Variants in SH3RF2 observed in about 807,000 individuals in gnomAD.
The protein encoded by SH3RF2 is SH3 domain containing ring finger 2.
In SH3RF2, 43 loss-of-function variants were observed where a neutral mutation model predicts 59.0. That is an observed-to-expected ratio of 0.73 (90% CI 0.57 to 0.94). SH3RF2 has a LOEUF of 0.94. SH3RF2 is among the 40% of genes least tolerant of loss of function. The pLI is 0.00. For missense variants in SH3RF2, 930 were observed against 940.1 expected, an observed-to-expected ratio of 0.99 and a Z score of 0.14; for synonymous variants, 391 against 391.5, an observed-to-expected ratio of 1.00 and a Z score of 0.01.
At chr5:146,041,970 T>C (rs1762141809) in intron 5 of SH3RF2, among the ~76,000 whole-genome samples, 1 of 152,116 alleles carries the variant, frequency 6.6e-6, no homozygotes, top group Non-Finnish European at 1.5e-5. Context: ...GTAGCCCTTC[T>C]CTCAACTCTG....
At chr5:145,963,688 C>G (rs116790428) in intron 2 of SH3RF2, among the ~76,000 whole-genome samples, 1,544 of 152,300 alleles carry the variant, frequency 0.01, 30 homozygotes, top group African/African-American at 0.035. Flanking sequence ...TCATTTATAA[C>G]TGGTTTCCAA....
At chr5:146,058,863 T>A (rs1580936971) in intron 8 of SH3RF2, among the ~76,000 whole-genome samples, 2 of 135,326 alleles carry the variant, frequency 1.5e-5, no homozygotes, top group Non-Finnish European at 1.6e-5. Flanking sequence ...GACAGGACCA[T>A]CTCAATTTAA....
intron 2 of SH3RF2, among the ~76,000 whole-genome samples, chr5:145,976,250 G>A (rs1759289359): frequency 6.6e-6 from 1 of 152,134 alleles, no homozygotes; most frequent in Non-Finnish European, 1.5e-5. Context: ...GTGACCTTAG[G>A]CAGGTTAGTT....
chr5:145,938,204 C>T lies in SH3RF2; in HGVS notation c.276C>T (p.Gly92=), dbSNP rs149194280. 1 of 1,613,562 alleles carries T rather than the reference C, an allele frequency of 6.2e-7. No homozygotes were observed. Among genetic ancestry groups the T allele is most frequent in the South Asian group, 1.1e-5 (1 of 91,076 alleles). Residue 92 remains glycine (G), a synonymous_variant, in exon 2 of 10, where the codon GGC becomes GGT. Coordinates refer to ENST00000359120, the MANE Select transcript of SH3RF2 (RefSeq NM_152550.4). The stretch of plus-strand genomic sequence containing the variant: ...GAGGGGGCTCCTTCCGCAGGCCTGG[C>T]ACGATGACCTTGCAGGATGGCAGGA... ...SGRGGSFRRP[G]TMTLQDGRKS...
intron 2 of SH3RF2, among the ~76,000 whole-genome samples, chr5:145,949,709 T>C (rs898699966): frequency 6.6e-6 from 1 of 152,190 alleles, no homozygotes; most frequent in Non-Finnish European, 1.5e-5. Flanking sequence ...CAGTGTTCTT[T>C]TCCTATTGAG....
At chr5:146,034,591 T>C (rs75739139) in intron 5 of SH3RF2, among the ~76,000 whole-genome samples, 3 of 152,190 alleles carry the variant, frequency 2.0e-5, no homozygotes, top group Admixed American at 1.3e-4. Context: ...GGCCACATTC[T>C]AATAATCCTA....
chr5:145,938,186 C>A lies in SH3RF2; in HGVS notation c.258C>A (p.Gly86=). The change falls in exon 2 of 10, where the codon GGC becomes GGA. Residue 86 remains glycine, a synonymous_variant. Transcript: ENST00000359120. Reference sequence around the variant, plus strand: ...CAGGGCAGAGCTCCGGGAGAGGGGGCTCCTTCCGCAGGCCTGGCACGATGA... The same window carrying A: ...CAGGGCAGAGCTCCGGGAGAGGGGGATCCTTCCGCAGGCCTGGCACGATGA... ...VRSGQSSGRG[G]SFRRPGTMTL... 6.2e-7 allele frequency: 1 copy of A among 1,613,994 alleles called. No individual in the cohort carries two copies. The highest frequency in any genetic ancestry group is 1.1e-5 in the South Asian group (1 of 91,078).
intron 2 of SH3RF2, 50 bp downstream of exon 2, chr5:145,938,356 T>G: frequency 6.7e-7 from 1 of 1,494,450 alleles, no homozygotes; most frequent in Non-Finnish European, 8.9e-7. Context: ...AGGTTGGATT[T>G]GTGTATACAA....
At position 145,938,135 on chromosome 5, in the gene SH3RF2, C is replaced by T. The variant is rs774262685; in HGVS notation, c.207C>T (p.Leu69=). Residue 69 remains leucine (L), a synonymous_variant, in exon 2 of 10, where the codon CTC becomes CTT. Coordinates refer to ENST00000359120, the MANE Select transcript of SH3RF2 (RefSeq NM_152550.4). ...AGGCGCTGCCGGCCAACCTGCTGCT[C>T]GTGCGCCTTCTGGATGGAGTGCGCT... The part of the protein sequence containing the change: ...NIEALPANLL[L]VRLLDGVRSG... 2 of 1,614,220 alleles carry T rather than the reference C, an allele frequency of 1.2e-6. No individual in the cohort carries two copies. Among genetic ancestry groups the T allele is most frequent in the Admixed American group, 1.7e-5 (1 of 60,028 alleles).
chr5:146,046,394 C>A (rs536394966), intron 5 of SH3RF2, among the ~76,000 whole-genome samples: 2 of 150,144 alleles, frequency 1.3e-5, no homozygotes, highest in Non-Finnish European at 3.0e-5. Flanking sequence ...CACAAATACA[C>A]AAACAATAGT....
chr5:146,017,578 C>T (rs1580866583), intron 5 of SH3RF2, among the ~76,000 whole-genome samples: 1 of 152,124 alleles, frequency 6.6e-6, no homozygotes, highest in African/African-American at 2.4e-5. Context: ...CATCCCTACT[C>T]CTTAAGCCTC....
intron 8 of SH3RF2, among the ~76,000 whole-genome samples, chr5:146,057,958 C>A (rs1403878045): frequency 1.9e-4 from 27 of 140,478 alleles, no homozygotes; most frequent in African/African-American, 4.6e-4. Context: ...CTCTCTCTCT[C>A]TCTCTCTCTC....
At chr5:145,977,774 T>G (rs553772908) in intron 2 of SH3RF2, among the ~76,000 whole-genome samples, 1 of 152,356 alleles carries the variant, frequency 6.6e-6, no homozygotes, top group Admixed American at 6.5e-5. Flanking sequence ...TAGGCTCTAA[T>G]GCTACATACA....
chr5:145,963,784 G>C (rs1758731826), intron 2 of SH3RF2, among the ~76,000 whole-genome samples: 1 of 151,236 alleles, frequency 6.6e-6, no homozygotes, highest in East Asian at 1.9e-4. Flanking sequence ...TTGATTTCTT[G>C]GAGTTTCCCT....
At chr5:146,006,287 G>C (rs1760641305) in intron 4 of SH3RF2, among the ~76,000 whole-genome samples, 2 of 152,134 alleles carry the variant, frequency 1.3e-5, no homozygotes, top group Non-Finnish European at 1.5e-5. Context: ...AGCCAGGCAT[G>C]GTGGCCCACA....
intron 4 of SH3RF2, among the ~76,000 whole-genome samples, chr5:146,010,730 GT>G (rs1217716172): frequency 6.6e-6 from 1 of 152,018 alleles, no homozygotes; most frequent in Non-Finnish European, 1.5e-5. Context: ...GGGGTTGTTT[GT>G]TTTTTTCTTG....
chr5:145,951,358 T>C (rs774104167), intron 2 of SH3RF2, among the ~76,000 whole-genome samples: 3 of 152,182 alleles, frequency 2.0e-5, no homozygotes, highest in Non-Finnish European at 4.4e-5. Context: ...ATAGCACATA[T>C]CTTTTTTGTT....
At chr5:146,039,050 A>C (rs1762038768) in intron 5 of SH3RF2, among the ~76,000 whole-genome samples, 1 of 152,256 alleles carries the variant, frequency 6.6e-6, no homozygotes, top group African/African-American at 2.4e-5. Context: ...CAGACTTTGC[A>C]GATCAGAAGG....
At chr5:145,957,487 G>A (rs371443031) in intron 2 of SH3RF2, among the ~76,000 whole-genome samples, 10 of 152,168 alleles carry the variant, frequency 6.6e-5, no homozygotes, top group South Asian at 2.1e-4. Context: ...TTTACCTATC[G>A]CTAACCTTAT....
Sources: allele counts gnomAD v4.1 joint callset (sites outside exome capture counted in the v4.1 genomes callset), GRCh38; gene constraint gnomAD v4.1.1; transcripts MANE v1.5; gene names NCBI Gene and HGNC (gene_info 2026-07-23, HGNC 2026-07-21).